Variants in TSHZ3 observed in about 807,000 individuals in gnomAD.
TSHZ3 encodes teashirt homolog 3.
Under a neutral mutation model 64.5 loss-of-function variants are expected in TSHZ3, and 10 were observed. The ratio of observed to expected loss-of-function variants is 0.16; its 90% CI spans 0.10 to 0.26. TSHZ3 has a LOEUF of 0.26. Ranked by LOEUF, TSHZ3 falls within the 10% of genes least tolerant of loss-of-function variation. TSHZ3 has a pLI of 1.00. For synonymous variants in TSHZ3, 608 were observed against 593.1 expected, an observed-to-expected ratio of 1.03 and a Z score of -0.36; for missense variants, 1,242 against 1,421.7, an observed-to-expected ratio of 0.87 and a Z score of 2.03.
intron 3 of TSHZ3, among the ~76,000 whole-genome samples, chr19:31,235,442 T>C (rs1975594713): frequency 1.3e-5 from 2 of 152,066 alleles, no homozygotes; most frequent in Middle Eastern, 3.4e-3. Flanking sequence ...GATCATGCAG[T>C]ATCTGCCTGT....
intron 5 of TSHZ3, among the ~76,000 whole-genome samples, chr19:31,170,450 T>C (rs1163084918): frequency 6.6e-6 from 1 of 152,094 alleles, no homozygotes; most frequent in African/African-American, 2.4e-5. Context: ...ACATATGATT[T>C]GGGGGTTTGG....
At chr19:31,344,726 G>A (rs1220803977) in intron 1 of TSHZ3, among the ~76,000 whole-genome samples, 2 of 152,224 alleles carry the variant, frequency 1.3e-5, no homozygotes, top group Non-Finnish European at 2.9e-5. Context: ...AGAAATCCCA[G>A]GAGTGGAGGG....
intron 4 of TSHZ3, among the ~76,000 whole-genome samples, chr19:31,213,464 C>T (rs1284283168): frequency 7.0e-6 from 1 of 142,406 alleles, no homozygotes; most frequent in Non-Finnish European, 1.5e-5. Context: ...AGTGAAACTA[C>T]TCTATAGGAT....
intron 5 of TSHZ3, among the ~76,000 whole-genome samples, chr19:31,161,173 A>G (rs1159329453): frequency 6.6e-6 from 1 of 152,206 alleles, no homozygotes; most frequent in Non-Finnish European, 1.5e-5. Flanking sequence ...ACATAATAAA[A>G]GTACATCCAT....
rs181949405 is a variant in TSHZ3, at chr19:31,255,777, G to A, written n.64-12902C>T. Among the ~76,000 whole-genome samples the A allele has an allele frequency of 3.6e-3, 541 of 152,286 alleles. 1 individual carries two copies. Among genetic ancestry groups the A allele is most frequent in the African/African-American group, 0.012 (512 of 41,568 alleles). ...GGGAATGGGGAATCCCTTGTCCTTA[G>A]AAATCTGGGGGCATCTCATGGCCTC... On this transcript the variant is annotated intron_variant and non_coding_transcript_variant, in intron 1 of 6. Coordinates refer to the TSHZ3 transcript ENST00000651361.
At chr19:31,225,683 T>A (rs1975450039) in intron 4 of TSHZ3, among the ~76,000 whole-genome samples, 1 of 152,196 alleles carries the variant, frequency 6.6e-6, no homozygotes, top group East Asian at 1.9e-4. Context: ...GCCTTTTCCC[T>A]CCTGCCTTCT....
In TSHZ3 at chr19:31,279,118, G is replaced by C; in HGVS notation, c.675C>G (p.Thr225=). The change falls in exon 2 of 2, where the codon ACC becomes ACG. Residue 225 remains threonine (T), a synonymous_variant. Coordinates refer to ENST00000240587, the MANE Select transcript of TSHZ3 (RefSeq NM_020856.4). This position sits in a 1 kb window ranked among gnomAD's most constrained non-coding sequence, Gnocchi z 6.4. ...RCKDCSAAYD[T]LVELTVHMNE... The stretch of plus-strand genomic sequence containing the variant: ...TCATGTGCACCGTCAACTCCACCAG[G>C]GTGTCGTAGGCAGCGCTGCAGTCCT... 1.9e-6 allele frequency: 3 copies of C among 1,613,904 alleles called. No homozygotes were observed. Among genetic ancestry groups the C allele is most frequent in the Non-Finnish European group, 2.5e-6 (3 of 1,179,896 alleles).
At chr19:31,223,449 C>G (rs1975417878) in intron 4 of TSHZ3, among the ~76,000 whole-genome samples, 1 of 150,288 alleles carries the variant, frequency 6.7e-6, no homozygotes, top group African/African-American at 2.5e-5. Context: ...TGAAAAGTCA[C>G]CAAAGACAAG....
At chr19:31,326,393 A>G (rs1425414814) in intron 1 of TSHZ3, among the ~76,000 whole-genome samples, 1 of 152,270 alleles carries the variant, frequency 6.6e-6, no homozygotes, top group Middle Eastern at 3.2e-3. Flanking sequence ...ATGACAATGC[A>G]TCCACTTTCA....
At chr19:31,264,130 C>T (rs1265051876) in intron 1 of TSHZ3, among the ~76,000 whole-genome samples, 1 of 152,208 alleles carries the variant, frequency 6.6e-6, no homozygotes, top group Non-Finnish European at 1.5e-5. Context: ...AATGGCCTCA[C>T]ATTCCTTCAT....
At chr19:31,272,716 G>C (rs966215507), downstream of TSHZ3, among the ~76,000 whole-genome samples, 6 of 152,146 alleles carry the variant, frequency 3.9e-5, no homozygotes, top group African/African-American at 7.2e-5. Flanking sequence ...GTAGCCCTGA[G>C]CACATCATAG....
intron 1 of TSHZ3, among the ~76,000 whole-genome samples, chr19:31,258,984 C>T (rs1323496458): frequency 6.6e-6 from 1 of 152,236 alleles, no homozygotes. Flanking sequence ...ACCCCAGCCC[C>T]ACGGTCTTGC....
chr19:31,175,990 C>T (rs902380807), intron 5 of TSHZ3, among the ~76,000 whole-genome samples: 3 of 152,206 alleles, frequency 2.0e-5, no homozygotes, highest in African/African-American at 7.2e-5. Context: ...AAGGCTCACT[C>T]AGAGACAAGG....
chr19:31,334,144 C>T (rs1014336891), intron 1 of TSHZ3, among the ~76,000 whole-genome samples: 2 of 152,256 alleles, frequency 1.3e-5, no homozygotes, highest in East Asian at 1.9e-4. Context: ...CTAACCATCT[C>T]GGTAGGAACC....
intron 5 of TSHZ3, among the ~76,000 whole-genome samples, chr19:31,178,614 G>A (rs904204060): frequency 2.0e-5 from 3 of 152,202 alleles, no homozygotes; most frequent in Non-Finnish European, 4.4e-5. Flanking sequence ...GGGAGGCGGA[G>A]GTTGTAGTGA....
At chr19:31,253,698 G>A (rs1496639) in intron 1 of TSHZ3, among the ~76,000 whole-genome samples, 49,146 of 151,630 alleles carry the variant, frequency 0.32, 11,088 homozygotes, top group African/African-American at 0.64. Flanking sequence ...AATAGTCTGT[G>A]CATGCATGGG....
intron 1 of TSHZ3, among the ~76,000 whole-genome samples, chr19:31,334,578 G>A (rs1399136435): frequency 6.6e-6 from 1 of 152,184 alleles, no homozygotes; most frequent in East Asian, 1.9e-4. Flanking sequence ...GGTGGGGGCT[G>A]AGCCTGCTTT....
At chr19:31,239,221 T>G (rs1341611119) in intron 3 of TSHZ3, among the ~76,000 whole-genome samples, 1 of 152,102 alleles carries the variant, frequency 6.6e-6, no homozygotes. Context: ...GCTATCCTAT[T>G]TTTTACTTAT....
At chr19:31,174,717 G>C (rs1186023464) in intron 5 of TSHZ3, among the ~76,000 whole-genome samples, 1 of 152,198 alleles carries the variant, frequency 6.6e-6, no homozygotes, top group Non-Finnish European at 1.5e-5. Context: ...TGTGATTTGA[G>C]ATCTAGGAGA....
Sources: gnomAD v4.1 joint callset for allele counts (sites outside exome capture counted in the v4.1 genomes callset) on GRCh38, gnomAD v4.1.1 for gene constraint, Gnocchi (gnomAD v3.1) non-coding constraint, MANE v1.5 for transcripts, NCBI Gene and HGNC (gene_info 2026-07-23, HGNC 2026-07-21) for gene names.